The following WARS1 variants were observed in gnomAD, a reference collection of about 807,000 sequenced individuals.
The protein encoded by WARS1 is tryptophanyl-tRNA synthetase 1.
WARS1 carries 17 observed loss-of-function variants against 47.8 expected under a neutral mutation model. That is an observed-to-expected ratio of 0.36 (90% CI 0.24 to 0.53). The LOEUF is 0.53. Ranked by LOEUF, WARS1 falls within the 20% of genes least tolerant of loss-of-function variation. The probability of loss-of-function intolerance (pLI) is 0.91; values close to 1 mark genes in which losing one functional copy is unlikely to be tolerated. For synonymous variants in WARS1, 208 were observed against 228.1 expected (o/e 0.91, Z 0.79); for missense variants, 434 against 608.0 (o/e 0.71, Z 3.01).
chr14:100,361,922 C>T lies in WARS1; in HGVS notation c.100-1G>A. ...TCTTTACTGCAGAATCAATTTCATC[C>T]TGAGAGAGGAAATAAAAGGGATGGC... On this transcript the variant is annotated splice_acceptor_variant, in intron 2 of 10. Transcript: ENST00000392882. LOFTEE classifies it high-confidence loss of function. 6.2e-7 allele frequency: 1 copy of T among 1,613,912 alleles called. No homozygotes were observed. The highest frequency in any genetic ancestry group is 8.5e-7 in the Non-Finnish European group (1 of 1,179,852).
chr14:100,339,306 C>A (rs1456903684), intron 9 of WARS1, among the ~76,000 whole-genome samples: 1 of 151,420 alleles, frequency 6.6e-6, no homozygotes, highest in Admixed American at 6.6e-5. Context: ...AAGGCCCATG[C>A]GAGGGGCTGG....
rs986621110 is a variant in WARS1 at position 100,353,929 on chromosome 14, G to A, written c.543-60C>T. 30 of 1,501,298 alleles carry A rather than the reference G, an allele frequency of 2.0e-5. No individual in the cohort carries two copies. In the South Asian group the frequency reaches 2.6e-4, roughly 13 times the overall value. 93.0% of individuals were successfully genotyped at this position (1,501,298 alleles called of 1,614,324 possible). A position where few individuals can be genotyped will look rare whatever the true frequency, so the allele number is the denominator to read the frequency against. On this transcript the variant is annotated intron_variant, in intron 5 of 10. Transcript: ENST00000392882. Reference sequence around the variant, plus strand: ...ATCTCCCCTGTGGAGGAACGCCATCGTGCATCTGAAAACACAGCTCCTACT... The same window carrying A: ...ATCTCCCCTGTGGAGGAACGCCATCATGCATCTGAAAACACAGCTCCTACT...
intron 6 of WARS1, among the ~76,000 whole-genome samples, chr14:100,349,522 C>G (rs1894837363): frequency 1.3e-5 from 2 of 152,368 alleles, no homozygotes; most frequent in South Asian, 2.1e-4. Flanking sequence ...CCAGGCCACA[C>G]AGCGGACGGC....
At chr14:100,376,282 C>A, upstream of WARS1, 3 of 867,116 alleles carry the variant, frequency 3.5e-6, no homozygotes, top group Non-Finnish European at 4.6e-6. Flanking sequence ...GGCCAGTCAG[C>A]GCTCCCGGCT....
At chr14:100,342,131 T>G in intron 9 of WARS1, 1 of 444,034 alleles carries the variant, frequency 2.3e-6, no homozygotes, top group Non-Finnish European at 4.2e-6. Flanking sequence ...ACAGTGCTGA[T>G]AAGAAAAGCA....
chr14:100,354,361 T>C, intron 5 of WARS1, 86 bp downstream of exon 5: 2 of 1,536,176 alleles, frequency 1.3e-6, no homozygotes, highest in Admixed American at 4.2e-5. Context: ...TGAACTAGCA[T>C]GATCTTGTCA....
Position 100,334,843 on chromosome 14 carries a change from C to G in WARS1, c.*32G>C, listed in dbSNP as rs1893596818. 6.2e-7 allele frequency: 1 copy of G among 1,608,286 alleles called. No homozygotes were observed. The highest frequency in any genetic ancestry group is 1.7e-5 in the Admixed American group (1 of 59,728). ...GATTATTGATACATTACTGATACAT[C>G]ACTTCTTTTATAAGCATATGTAAAA... On this transcript the variant is annotated 3_prime_UTR_variant, in exon 11 of 11. Coordinates refer to ENST00000392882, the MANE Select transcript of WARS1 (RefSeq NM_004184.4).
At chr14:100,335,150 T>C in intron 10 of WARS1, 114 bp from the exon 11 acceptor site, 1 of 993,494 alleles carries the variant, frequency 1.0e-6, no homozygotes, top group Admixed American at 2.6e-5. Context: ...GGCACGTGGG[T>C]GGCACTCAGA....
intron 7 of WARS1, among the ~76,000 whole-genome samples, chr14:100,344,998 T>C (rs1444044477): frequency 7.9e-6 from 1 of 127,010 alleles, no homozygotes; most frequent in Non-Finnish European, 1.7e-5. Context: ...GGGAGGGAAG[T>C]GGGGGGGTCA....
chr14:100,370,398 G>T (rs540913768), intron 1 of WARS1: 3 of 152,250 alleles, frequency 2.0e-5, no homozygotes, highest in Admixed American at 1.3e-4. Context: ...GAAAAAAAAG[G>T]CATGGTAGCA....
At chr14:100,336,085 A>G (rs768752569) in intron 10 of WARS1, among the ~76,000 whole-genome samples, 5 of 151,842 alleles carry the variant, frequency 3.3e-5, no homozygotes, top group Non-Finnish European at 7.4e-5. Flanking sequence ...ACCATCTTGA[A>G]TAAGACGGTA....
intron 4 of WARS1, among the ~76,000 whole-genome samples, chr14:100,357,626 C>G (rs1895409389): frequency 1.3e-5 from 2 of 151,970 alleles, no homozygotes; most frequent in African/African-American, 4.8e-5. Flanking sequence ...CATGCCTGCC[C>G]AATTTTGTAT....
rs1896448210 is a variant in WARS1 at position 100,373,231 on chromosome 14, T to G, written c.-74+2052A>C. 6.6e-6 allele frequency among the ~76,000 whole-genome samples: 1 copy of G among 152,228 alleles called. No homozygotes were observed. Among genetic ancestry groups the G allele is most frequent in the African/African-American group, 2.4e-5 (1 of 41,460 alleles). ...TTTCCTCTAAGGTTTATCCTTAGAA[T>G]GTCTTTACTTGTTCCAGTTGAAGAC... On this transcript the variant is annotated intron_variant, in intron 1 of 10. Transcript: ENST00000392882. This position sits in a 1 kb window ranked among gnomAD's most constrained non-coding sequence, Gnocchi z 4.4.
rs1045296081 is a variant in WARS1 at position 100,333,923 on chromosome 14, T to C, written c.*952A>G. 3.9e-5 allele frequency: 6 copies of C among 152,726 alleles called. No individual in the cohort carries two copies. The highest frequency in any genetic ancestry group is 1.4e-4 in the African/African-American group (6 of 41,462). 9.5% of individuals were successfully genotyped at this position (152,726 alleles called of 1,614,324 possible). A position where few individuals can be genotyped will look rare whatever the true frequency, so the allele number is the denominator to read the frequency against. On this transcript the variant is annotated 3_prime_UTR_variant, in exon 11 of 11. Coordinates refer to ENST00000392882, the MANE Select transcript of WARS1 (RefSeq NM_004184.4). Reference sequence around the variant, plus strand: ...TTCCAGGCCTGCACATGCTGCGTGATGAAATGAGGCCTGCCTAGACATCTG... The same window carrying C: ...TTCCAGGCCTGCACATGCTGCGTGACGAAATGAGGCCTGCCTAGACATCTG...
rs537480269 is a variant in WARS1, at chr14:100,365,449, G to A, written c.100-3528C>T. On this transcript the variant is annotated intron_variant, in intron 2 of 10. Coordinates refer to ENST00000392882, the MANE Select transcript of WARS1 (RefSeq NM_004184.4). ...ACAAAAATTAGCCGGGTGTGGTGGC[G>A]GGCGCCTGCAGTCCCAGCTACTTAC... is the stretch of plus-strand genomic sequence containing the variant. 12 of 246,714 alleles carry A rather than the reference G, an allele frequency of 4.9e-5. No individual in the cohort carries two copies. The East Asian group carries it at 5.0e-4, about 10-fold the overall frequency. 15.3% of individuals were successfully genotyped at this position (246,714 alleles called of 1,614,324 possible).
At chr14:100,368,838 G>T (rs1426931875) in intron 2 of WARS1, among the ~76,000 whole-genome samples, 1 of 152,162 alleles carries the variant, frequency 6.6e-6, no homozygotes, top group Non-Finnish European at 1.5e-5. Flanking sequence ...GTGCATGCCT[G>T]TAATCCCAGC....
At chr14:100,346,086 G>T (rs1013454725) in intron 7 of WARS1, among the ~76,000 whole-genome samples, 1 of 152,226 alleles carries the variant, frequency 6.6e-6, no homozygotes, top group African/African-American at 2.4e-5. Flanking sequence ...AGTAGAGGAG[G>T]GGATCAGAAG....
At chr14:100,369,681 AT>A (rs796637368) in intron 1 of WARS1, among the ~76,000 whole-genome samples, 4,719 of 143,858 alleles carry the variant, frequency 0.033, 217 homozygotes, top group African/African-American at 0.11. Flanking sequence ...TTACTATTTG[AT>A]TTTTTTTTTT....
rs1001296276 is a variant in WARS1, at chr14:100,373,021, C to T, written c.-74+2262G>A. On this transcript the variant is annotated intron_variant, in intron 1 of 10. Coordinates refer to ENST00000392882, the MANE Select transcript of WARS1 (RefSeq NM_004184.4). This position sits in a 1 kb window ranked among gnomAD's most constrained non-coding sequence, Gnocchi z 4.4. ...TTGGTTGCTCCATCCTTTGTGATCC[C>T]CAAACACTCCTTTAGTAACTTTATG... 1.3e-5 allele frequency among the ~76,000 whole-genome samples: 2 copies of T among 152,184 alleles called. No homozygotes were observed. The highest frequency in any genetic ancestry group is 1.3e-4 in the Admixed American group (2 of 15,280).
Sources: gnomAD v4.1 joint callset for allele counts (sites outside exome capture counted in the v4.1 genomes callset) on GRCh38, gnomAD v4.1.1 for gene constraint, Gnocchi (gnomAD v3.1) non-coding constraint, MANE v1.5 for transcripts, NCBI Gene and HGNC (gene_info 2026-07-23, HGNC 2026-07-21) for gene names.